Variants in MEIS2 observed in about 807,000 individuals in gnomAD.
MEIS2 encodes the protein Meis homeobox 2.
A neutral mutation model predicts 58.6 loss-of-function variants in MEIS2; 9 were observed. That is an observed-to-expected ratio of 0.15 (90% CI 0.09 to 0.27). The LOEUF is 0.27. Ranked by LOEUF, MEIS2 falls within the 10% of genes least tolerant of loss-of-function variation. The probability of loss-of-function intolerance (pLI) is 1.00; values close to 1 mark genes in which losing one functional copy is unlikely to be tolerated. For missense variants in MEIS2, 427 were observed against 635.0 expected, an observed-to-expected ratio of 0.67 and a Z score of 3.52; for synonymous variants, 221 against 228.4, an observed-to-expected ratio of 0.97 and a Z score of 0.29.
intron 7 of MEIS2, 79 bp downstream of exon 7, chr15:37,083,692 C>T: frequency 2.6e-6 from 3 of 1,144,946 alleles, no homozygotes; most frequent in South Asian, 2.9e-5. Context: ...TACATGGCGG[C>T]AGATGTACTG....
chr15:37,065,201 T>A (rs145472426), intron 7 of MEIS2, among the ~76,000 whole-genome samples: 1 of 152,248 alleles, frequency 6.6e-6, no homozygotes, highest in East Asian at 1.9e-4. Context: ...CTTTATATAG[T>A]GAACTGCTGG....
intron 9 of MEIS2, among the ~76,000 whole-genome samples, chr15:36,915,095 G>A (rs2057214711): frequency 1.3e-5 from 2 of 151,932 alleles, no homozygotes; most frequent in Admixed American, 1.3e-4. Flanking sequence ...TCCGTGACTG[G>A]TGCAAATCTG....
intron 7 of MEIS2, among the ~76,000 whole-genome samples, chr15:37,043,391 G>A (rs533716303): frequency 6.6e-6 from 1 of 152,164 alleles, no homozygotes; most frequent in Non-Finnish European, 1.5e-5. Flanking sequence ...TAGGTAGACA[G>A]ATATCAATAT....
intron 7 of MEIS2, among the ~76,000 whole-genome samples, chr15:37,078,605 C>CAAAAAAAAAAAAAAAAAA (rs540405090): frequency 1.4e-5 from 1 of 69,412 alleles, no homozygotes; most frequent in African/African-American, 5.9e-5. Context: ...AAAAAACAAC[C>CAAAAAAAAAAAAAAAAAA]AAAAAAAAAA....
chr15:36,971,392 C>T (rs1372560994), intron 8 of MEIS2, among the ~76,000 whole-genome samples: 1 of 151,528 alleles, frequency 6.6e-6, no homozygotes, highest in African/African-American at 2.4e-5. Flanking sequence ...GAGGTTTTTA[C>T]TGAACAAAAA....
Position 36,924,622 on chromosome 15 carries a change from A to G in MEIS2, c.977+25702T>C, listed in dbSNP as rs2057667734. Among the ~76,000 whole-genome samples the G allele has an allele frequency of 3.9e-5, 6 of 152,302 alleles. No homozygotes were observed. In the South Asian group the frequency reaches 1.2e-3, roughly 32 times the overall value. On this transcript the variant is annotated intron_variant, in intron 9 of 11. Transcript: ENST00000561208. ...AGTTAACTACATAGACTTGCCGCGA[A>G]CCTCAAAGCATACGAGGCACCGAAC... is the stretch of plus-strand genomic sequence containing the variant.
intron 8 of MEIS2, among the ~76,000 whole-genome samples, chr15:36,990,236 C>T (rs549712340): frequency 4.0e-4 from 61 of 152,148 alleles, no homozygotes; most frequent in African/African-American, 1.4e-3. Flanking sequence ...TGAGCCACCG[C>T]GCCCGGCCTG....
At chr15:37,035,169 C>T (rs1423557608) in intron 8 of MEIS2, among the ~76,000 whole-genome samples, 11 of 152,146 alleles carry the variant, frequency 7.2e-5, no homozygotes, top group Admixed American at 4.6e-4. Flanking sequence ...GCTACACTGC[C>T]GTTCTTAGTT....
rs563134097 is a variant in MEIS2, at chr15:37,017,152, C to T, written c.900+19662G>A. 6.6e-5 allele frequency among the ~76,000 whole-genome samples: 10 copies of T among 151,884 alleles called. No homozygotes were observed. In the East Asian group the frequency reaches 1.4e-3, roughly 21 times the overall value. ...TTGACCTGTTTCTGATGACGCAAAC[C>T]GATAGAAAATAATAAAATTGTTTGA... is the stretch of plus-strand genomic sequence containing the variant. On this transcript the variant is annotated intron_variant, in intron 8 of 11. Coordinates refer to ENST00000561208, the MANE Select transcript of MEIS2 (RefSeq NM_170675.5).
chr15:37,014,127 C>T (rs1381778932), intron 8 of MEIS2, among the ~76,000 whole-genome samples: 5 of 152,156 alleles, frequency 3.3e-5, no homozygotes, highest in Non-Finnish European at 7.3e-5. Flanking sequence ...CATTTTGTCA[C>T]ATTGCTTCAC....
chr15:36,911,382 G>T (rs1037018710), intron 9 of MEIS2, among the ~76,000 whole-genome samples: 1 of 152,054 alleles, frequency 6.6e-6, no homozygotes, highest in African/African-American at 2.4e-5. Flanking sequence ...AACTGTGACT[G>T]AGCTGTGTGT....
At chr15:37,094,598 A>G in intron 4 of MEIS2, 21 bp from the exon 5 acceptor site, 1 of 1,607,806 alleles carries the variant, frequency 6.2e-7, no homozygotes. Flanking sequence ...AGTTCAGGGA[A>G]TGGAGTTAGA....
intron 7 of MEIS2, among the ~76,000 whole-genome samples, chr15:37,041,598 A>G (rs1429667523): frequency 6.6e-6 from 1 of 152,148 alleles, no homozygotes; most frequent in African/African-American, 2.4e-5. Context: ...GCAGGAAGCT[A>G]AATCCTGGGA....
chr15:37,018,332 T>C (rs112565397), intron 8 of MEIS2, among the ~76,000 whole-genome samples: 1 of 152,234 alleles, frequency 6.6e-6, no homozygotes, highest in South Asian at 2.1e-4. Context: ...TTCACTTCTT[T>C]ACAGCATAGG....
chr15:37,065,739 G>A (rs1006652077), intron 7 of MEIS2, among the ~76,000 whole-genome samples: 1 of 152,118 alleles, frequency 6.6e-6, no homozygotes, highest in African/African-American at 2.4e-5. Context: ...CTTTGAGAAA[G>A]TCCTTTTTTA....
intron 8 of MEIS2, among the ~76,000 whole-genome samples, chr15:36,976,067 C>T (rs1351770421): frequency 6.6e-6 from 1 of 152,032 alleles, no homozygotes; most frequent in Admixed American, 6.6e-5. Context: ...AAGGAAAAGA[C>T]AAGTAATTAT....
At chr15:37,057,243 A>T (rs926798976) in intron 7 of MEIS2, among the ~76,000 whole-genome samples, 5 of 152,238 alleles carry the variant, frequency 3.3e-5, no homozygotes, top group Non-Finnish European at 5.9e-5. Flanking sequence ...TAAAGTTCAA[A>T]CTGAGAAGAA....
rs575554011 is a variant in MEIS2, at chr15:37,097,909, G to C, written c.245+58C>G. ...TCGTCCACCTTCCCACCCCCACAGA[G>C]ACAAACACACACTCTCACACTCACA... On this transcript the variant is annotated intron_variant, in intron 2 of 11. Transcript: ENST00000561208. 144 of 1,513,732 alleles carry C rather than the reference G, an allele frequency of 9.5e-5. No homozygotes were observed. In the African/African-American group the frequency reaches 1.8e-3, roughly 18 times the overall value. The allele number at this position is 1,513,732 out of a possible 1,614,324, so 93.8% of individuals were successfully genotyped here.
chr15:37,052,145 T>C (rs1370312811), intron 7 of MEIS2, among the ~76,000 whole-genome samples: 1 of 152,172 alleles, frequency 6.6e-6, no homozygotes, highest in Non-Finnish European at 1.5e-5. Flanking sequence ...ACATCATTCA[T>C]GAAAGACTGA....
Sources: allele counts gnomAD v4.1 joint callset (sites outside exome capture counted in the v4.1 genomes callset), GRCh38; gene constraint gnomAD v4.1.1; transcripts MANE v1.5; gene names NCBI Gene and HGNC (gene_info 2026-07-23, HGNC 2026-07-21).